The following CALD1 variants were observed in gnomAD, a reference collection of about 807,000 sequenced individuals.
CALD1 encodes the protein caldesmon 1.
CALD1 carries 33 observed loss-of-function variants against 99.9 expected under a neutral mutation model. The observed-to-expected ratio is 0.33, with a 90% CI of 0.25 to 0.44. The LOEUF is 0.44. CALD1 is among the 20% of genes least tolerant of loss of function. The pLI, the probability that CALD1 is intolerant of heterozygous loss-of-function variation, is 1.00. For missense variants in CALD1, 861 were observed against 962.1 expected, an observed-to-expected ratio of 0.89 and a Z score of 1.39; for synonymous variants, 310 against 325.0, an observed-to-expected ratio of 0.95 and a Z score of 0.50.
intron 7 of CALD1, among the ~76,000 whole-genome samples, chr7:134,947,071 T>C (rs1434209095): frequency 2.0e-5 from 3 of 152,164 alleles, no homozygotes; most frequent in African/African-American, 7.2e-5. Flanking sequence ...GATGGACACT[T>C]GGGTTGCGTC....
intron 1 of CALD1, among the ~76,000 whole-genome samples, chr7:134,819,999 T>C (rs1798711023): frequency 6.6e-6 from 1 of 152,164 alleles, no homozygotes; most frequent in African/African-American, 2.4e-5. Flanking sequence ...GAAACTGAAA[T>C]AATGGATCTA....
At chr7:134,750,111 A>AAAAC (rs59185876) in intron 1 of CALD1, among the ~76,000 whole-genome samples, 2,510 of 150,850 alleles carry the variant, frequency 0.017, 56 homozygotes, top group African/African-American at 0.052. Flanking sequence ...GGCAAGTGTT[A>AAAAC]AAACAAACAA....
At chr7:134,726,877 G>A in the CALD1 span, among the ~76,000 whole-genome samples, 4 of 152,186 alleles carry the variant, frequency 2.6e-5, no homozygotes, top group African/African-American at 4.8e-5. Context: ...AATGCTGGAC[G>A]TCACAGCTCA....
chr7:134,868,333 C>G (rs1384356714), intron 3 of CALD1: 1 of 152,252 alleles, frequency 6.6e-6, no homozygotes, highest in African/African-American at 2.4e-5. Context: ...CTGGGTGTAA[C>G]TGGAAGCTGT....
At chr7:134,905,846 T>C (rs914925014) in intron 3 of CALD1, among the ~76,000 whole-genome samples, 1 of 151,800 alleles carries the variant, frequency 6.6e-6, no homozygotes, top group African/African-American at 2.4e-5. Flanking sequence ...TCTAACTCCA[T>C]TGTTATTAAT....
At chr7:134,861,638 G>A (rs1800567524) in intron 2 of CALD1, among the ~76,000 whole-genome samples, 2 of 152,222 alleles carry the variant, frequency 1.3e-5, no homozygotes, top group South Asian at 4.1e-4. Flanking sequence ...CTTGTTCACT[G>A]TTATACCCCA....
At chr7:134,846,403 C>CAGG (rs1799855734) in intron 2 of CALD1, among the ~76,000 whole-genome samples, 1 of 152,156 alleles carries the variant, frequency 6.6e-6, no homozygotes, top group South Asian at 2.1e-4. Context: ...GTGGAGGGGC[C>CAGG]AGGCCATGGC....
At chr7:134,938,386 C>T (rs1806160620) in intron 6 of CALD1, among the ~76,000 whole-genome samples, 2 of 152,298 alleles carry the variant, frequency 1.3e-5, no homozygotes, top group Non-Finnish European at 1.5e-5. Flanking sequence ...CACCTCATCC[C>T]CATGTATTAT....
At chr7:134,852,037 C>T (rs192536914) in intron 2 of CALD1, among the ~76,000 whole-genome samples, 1 of 152,204 alleles carries the variant, frequency 6.6e-6, no homozygotes, top group Admixed American at 6.5e-5. Context: ...GAGGGGATGT[C>T]AGAGGAGATG....
At chr7:134,943,538 G>A (rs970845929) in intron 7 of CALD1, among the ~76,000 whole-genome samples, 9 of 152,096 alleles carry the variant, frequency 5.9e-5, no homozygotes, top group South Asian at 2.1e-4. Flanking sequence ...AAGATATAGC[G>A]ATGCAAATTA....
chr7:134,913,424 T>G (rs1044499586), intron 3 of CALD1, among the ~76,000 whole-genome samples: 1 of 152,258 alleles, frequency 6.6e-6, no homozygotes, highest in Admixed American at 6.5e-5. Context: ...AGATTAAATT[T>G]AACATTACTT....
intron 13 of CALD1, chr7:134,962,366 TAAAAAAA>T (rs35952925): frequency 3.3e-5 from 3 of 91,558 alleles, no homozygotes; most frequent in Non-Finnish European, 4.3e-5. Flanking sequence ...GACAGCCTCC[TAAAAAAA>T]AAAAAAAAAA....
At chr7:134,962,119 A>T (rs1808314191) in intron 13 of CALD1, 1 of 152,124 alleles carries the variant, frequency 6.6e-6, no homozygotes, top group Non-Finnish European at 1.5e-5. Flanking sequence ...TTGCACGTTT[A>T]TGATATTTGC....
At chr7:134,867,926 G>T in intron 3 of CALD1, 122 bp downstream of exon 3, 1 of 465,550 alleles carries the variant, frequency 2.1e-6, no homozygotes, top group Non-Finnish European at 3.9e-6. Context: ...GTTCGCAAAA[G>T]TAGTTATGGA....
At chr7:134,876,373 G>A (rs1442007097) in intron 3 of CALD1, among the ~76,000 whole-genome samples, 1 of 152,186 alleles carries the variant, frequency 6.6e-6, no homozygotes, top group Non-Finnish European at 1.5e-5. Flanking sequence ...CTTGCTATAT[G>A]TAAAAAAGTC....
chr7:134,963,899 C>G (rs896143108), intron 13 of CALD1, among the ~76,000 whole-genome samples: 3 of 152,180 alleles, frequency 2.0e-5, no homozygotes, highest in Non-Finnish European at 4.4e-5. Context: ...GAAAATGCTG[C>G]TAGAAAAGGG....
chr7:134,772,568 T>A (rs1467387756), intron 1 of CALD1, among the ~76,000 whole-genome samples: 1 of 152,240 alleles, frequency 6.6e-6, no homozygotes, highest in Non-Finnish European at 1.5e-5. Context: ...ATCCTCTGAA[T>A]CTAATTACAT....
At chr7:134,876,596 A>G (rs1801364749) in intron 3 of CALD1, among the ~76,000 whole-genome samples, 1 of 152,224 alleles carries the variant, frequency 6.6e-6, no homozygotes, top group Admixed American at 6.5e-5. Flanking sequence ...GGAACTGGGA[A>G]TCAAAGTTTG....
intron 9 of CALD1, among the ~76,000 whole-genome samples, chr7:134,953,668 TG>T (rs67912310): frequency 0.22 from 24,677 of 113,482 alleles, 2,732 homozygotes; most frequent in Non-Finnish European, 0.28. Flanking sequence ...TTTTTTTTTT[TG>T]TTTTTTTTTT....
Sources: allele counts gnomAD v4.1 joint callset (sites outside exome capture counted in the v4.1 genomes callset), GRCh38; gene constraint gnomAD v4.1.1; transcripts MANE v1.5; gene names NCBI Gene and HGNC (gene_info 2026-07-23, HGNC 2026-07-21).